The following CADPS2 variants were observed in gnomAD, a reference collection of about 807,000 sequenced individuals.
CADPS2 encodes the protein calcium-dependent secretion activator 2.
CADPS2 carries 93 observed loss-of-function variants against 172.5 expected under a neutral mutation model. The ratio of observed to expected loss-of-function variants is 0.54; its 90% CI spans 0.46 to 0.64. The LOEUF is 0.64. CADPS2 is among the 30% of genes least tolerant of loss of function. CADPS2 has a pLI of 0.00. For synonymous variants in CADPS2, 546 were observed against 555.2 expected, an observed-to-expected ratio of 0.98 and a Z score of 0.23; for missense variants, 1,420 against 1,565.9, an observed-to-expected ratio of 0.91 and a Z score of 1.57.
At chr7:122,719,549 C>A (rs527690871) in intron 2 of CADPS2, among the ~76,000 whole-genome samples, 3 of 152,072 alleles carry the variant, frequency 2.0e-5, no homozygotes, top group African/African-American at 4.8e-5. Flanking sequence ...CTAACATGCA[C>A]GAGCAGAGGT....
intron 8 of CADPS2, among the ~76,000 whole-genome samples, chr7:122,521,484 G>T (rs1251310027): frequency 7.3e-6 from 1 of 136,550 alleles, no homozygotes; most frequent in African/African-American, 2.6e-5. Flanking sequence ...GGGGGGTGAG[G>T]TGGGGGGGCT....
In CADPS2 at chr7:122,886,167, C is replaced by CA; in HGVS notation, c.170dup (p.Ser58GlufsTer21). On this transcript the variant is annotated frameshift_variant, in exon 1 of 30. Coordinates refer to ENST00000449022, the MANE Select transcript of CADPS2 (RefSeq NM_017954.11). LOFTEE classifies it high-confidence loss of function. Reference sequence around the variant, plus strand: ...CGCTGAGCACAGAGGGGCTCGGGCTCACAGATCTGGCCGCGCCGCCGCCGC... The same window carrying CA: ...CGCTGAGCACAGAGGGGCTCGGGCTCAACAGATCTGGCCGCGCCGCCGCCGC... 2 of 1,521,312 alleles carry CA rather than the reference C, an allele frequency of 1.3e-6. No individual in the cohort carries two copies. Among genetic ancestry groups the CA allele is most frequent in the Non-Finnish European group, 1.8e-6 (2 of 1,136,856 alleles). 94.2% of individuals were successfully genotyped at this position (1,521,312 alleles called of 1,614,324 possible).
intron 2 of CADPS2, among the ~76,000 whole-genome samples, chr7:122,711,557 A>C (rs1289007007): frequency 1.3e-5 from 2 of 152,104 alleles, no homozygotes; most frequent in Non-Finnish European, 2.9e-5. Flanking sequence ...TTCTACCCCA[A>C]GTGACAGTTG....
At chr7:122,674,193 T>TC (rs2082168050) in intron 2 of CADPS2, among the ~76,000 whole-genome samples, 1 of 151,754 alleles carries the variant, frequency 6.6e-6, no homozygotes, top group Admixed American at 6.6e-5. Context: ...CAGCCCCGGG[T>TC]CCCCGCCCGC....
chr7:122,723,528 A>G (rs1183081982), intron 2 of CADPS2, among the ~76,000 whole-genome samples: 2 of 152,154 alleles, frequency 1.3e-5, no homozygotes, highest in Non-Finnish European at 2.9e-5. Context: ...TCAGGAAACA[A>G]CAGGTGCTGG....
At chr7:122,501,874 C>CAAAAAAAAAAAAAAAAAA (rs1173009562) in intron 9 of CADPS2, among the ~76,000 whole-genome samples, 1 of 42,170 alleles carries the variant, frequency 2.4e-5, no homozygotes, top group Non-Finnish European at 4.7e-5. Flanking sequence ...GACTCCGTCT[C>CAAAAAAAAAAAAAAAAAA]AAAAAAAAAA....
At chr7:122,448,330 G>T (rs1253344796) in intron 15 of CADPS2, among the ~76,000 whole-genome samples, 2 of 152,026 alleles carry the variant, frequency 1.3e-5, no homozygotes, top group African/African-American at 4.8e-5. Context: ...AGAACAGCAT[G>T]GGGGAAACCT....
chr7:122,662,530 C>G (rs551561930), intron 3 of CADPS2, among the ~76,000 whole-genome samples: 9 of 152,016 alleles, frequency 5.9e-5, no homozygotes, highest in Non-Finnish European at 1.3e-4. Context: ...CATGCACCAC[C>G]ACGCCCAGCT....
intron 1 of CADPS2, among the ~76,000 whole-genome samples, chr7:122,803,974 GAAAAAA>G (rs869246600): frequency 4.9e-4 from 42 of 85,132 alleles, no homozygotes; most frequent in African/African-American, 1.8e-3. Context: ...GGCTTGAATG[GAAAAAA>G]AAAAAAAAAA....
intron 14 of CADPS2, among the ~76,000 whole-genome samples, chr7:122,454,288 C>T (rs2053489956): frequency 6.6e-6 from 1 of 151,992 alleles, no homozygotes; most frequent in African/African-American, 2.4e-5. Flanking sequence ...AATCCTGTCT[C>T]CTTTCCAAAA....
At chr7:122,343,624 A>G (rs549594660) in intron 28 of CADPS2, among the ~76,000 whole-genome samples, 1 of 152,352 alleles carries the variant, frequency 6.6e-6, no homozygotes, top group African/African-American at 2.4e-5. Flanking sequence ...AGATGTTCAG[A>G]AAGTTCACCC....
chr7:122,617,810 A>G lies in CADPS2; in HGVS notation c.1105-2511T>C, dbSNP rs182411924. Among the ~76,000 whole-genome samples, 9 of 152,240 alleles carry G rather than the reference A, an allele frequency of 5.9e-5. 1 individual carries two copies. Among genetic ancestry groups the G allele is most frequent in the East Asian group, 5.8e-4 (3 of 5,168 alleles). On this transcript the variant is annotated intron_variant, in intron 5 of 29. Coordinates refer to ENST00000449022, the MANE Select transcript of CADPS2 (RefSeq NM_017954.11). ...TGTAATCTCAGCACTTTGGGAGGCC[A>G]AGGCGGGCATATCATGAGCTCAGGA...
At chr7:122,358,968 T>A (rs2039781408) in intron 27 of CADPS2, among the ~76,000 whole-genome samples, 1 of 152,156 alleles carries the variant, frequency 6.6e-6, no homozygotes. Context: ...GAAGTGTGCA[T>A]AATGATATGT....
intron 6 of CADPS2, among the ~76,000 whole-genome samples, chr7:122,595,053 GTTATGT>G (rs2133313989): frequency 6.6e-6 from 1 of 151,672 alleles, no homozygotes; most frequent in Admixed American, 6.6e-5. Flanking sequence ...TTACCAATAT[GTTATGT>G]TCATATTGCT....
intron 3 of CADPS2, among the ~76,000 whole-genome samples, chr7:122,636,313 C>G (rs1016866892): frequency 6.6e-6 from 1 of 152,014 alleles, no homozygotes; most frequent in Non-Finnish European, 1.5e-5. Context: ...TCCTTTAGTA[C>G]TTGCTTATCT....
chr7:122,330,254 G>C (rs1356369271), intron 28 of CADPS2, among the ~76,000 whole-genome samples: 1 of 152,124 alleles, frequency 6.6e-6, no homozygotes, highest in African/African-American at 2.4e-5. Flanking sequence ...AAAGTTAAAT[G>C]AAAGAACAAA....
chr7:122,702,130 T>C, intron 2 of CADPS2: 1 of 1,613,692 alleles, frequency 6.2e-7, no homozygotes, highest in Admixed American at 1.7e-5. Flanking sequence ...AGACGCAATC[T>C]AAGTAAAAGT....
chr7:122,686,565 T>C lies in CADPS2; in HGVS notation c.454-22996A>G, dbSNP rs574660380. 3.3e-5 allele frequency among the ~76,000 whole-genome samples: 5 copies of C among 152,344 alleles called. No homozygotes were observed. In the South Asian group the frequency reaches 1.0e-3, roughly 32 times the overall value. ...AAACTCTGCAGTGAGCTTAAGAATT[T>C]GCATTTCTAACAAGTTCCCAGGTGA... On this transcript the variant is annotated intron_variant, in intron 2 of 29. Coordinates refer to ENST00000449022, the MANE Select transcript of CADPS2 (RefSeq NM_017954.11).
intron 1 of CADPS2, among the ~76,000 whole-genome samples, chr7:122,841,925 A>C (rs1347553678): frequency 6.6e-6 from 1 of 152,224 alleles, no homozygotes. Context: ...GGGATACTCA[A>C]AATGGGATAA....
Sources: gnomAD v4.1 joint callset for allele counts (sites outside exome capture counted in the v4.1 genomes callset) on GRCh38, gnomAD v4.1.1 for gene constraint, MANE v1.5 for transcripts, NCBI Gene and HGNC (gene_info 2026-07-23, HGNC 2026-07-21) for gene names.